GIT1: variants seen among roughly 807,000 people sequenced by gnomAD.
The protein encoded by GIT1 is ARF GTPase-activating protein GIT1.
Under a neutral mutation model 91.7 loss-of-function variants are expected in GIT1, and 14 were observed. The observed-to-expected ratio is 0.15, with a 90% confidence interval of 0.10 to 0.24. The LOEUF (loss-of-function observed/expected upper bound fraction) is 0.24. GIT1 is among the 10% of genes least tolerant of loss of function. The pLI is 1.00. For missense variants in GIT1, 717 were observed against 1,024.9 expected (o/e 0.70, Z 4.10); for synonymous variants, 414 against 418.2 (o/e 0.99, Z 0.12).
chr17:29,579,714 C>A (rs1382501702), intron 7 of GIT1, among the ~76,000 whole-genome samples: 1 of 151,710 alleles, frequency 6.6e-6, no homozygotes, highest in Non-Finnish European at 1.5e-5. Context: ...CAGAGCGAGA[C>A]CCCAACTCTT....
In GIT1 at chr17:29,579,811, A is replaced by T. The variant is rs78266089; in HGVS notation, c.762-1032T>A. On this transcript the variant is annotated intron_variant, in intron 7 of 19. Coordinates refer to ENST00000225394, the MANE Select transcript of GIT1 (RefSeq NM_014030.4). ...AATAGATGCTGTCATCTCCATTTCC[A>T]GGAGAGATAACCAAGGCTCAGAGAG... 9.5e-4 allele frequency among the ~76,000 whole-genome samples: 145 copies of T among 152,200 alleles called. 1 individual carries two copies. The highest frequency in any genetic ancestry group is 3.3e-3 in the African/African-American group (137 of 41,520).
chr17:29,574,121 GAAGA>G lies in GIT1; in HGVS notation c.*577_*580del, dbSNP rs918019437. 32 of 151,270 alleles carry G rather than the reference GAAGA, an allele frequency of 2.1e-4. No individual in the cohort carries two copies. The highest frequency in any genetic ancestry group is 6.8e-4 in the African/African-American group (28 of 41,128). 9.4% of individuals were successfully genotyped at this position (151,270 alleles called of 1,614,324 possible). On this transcript the variant is annotated 3_prime_UTR_variant, in exon 20 of 20. Coordinates refer to ENST00000225394, the MANE Select transcript of GIT1 (RefSeq NM_014030.4). ...AAAGTTAAAATTAAGGGGTGGGGAA[GAAGA>G]AAGAAAAAAAAAAAACAGACTTTCC...
At chr17:29,577,798 G>A (rs2033266233) in intron 9 of GIT1, 56 bp from the exon 10 acceptor site, 1 of 1,083,386 alleles carries the variant, frequency 9.2e-7, no homozygotes, top group Non-Finnish European at 1.4e-6. Flanking sequence ...CCAAGGTGGG[G>A]GTGGGGAAGC....
chr17:29,575,381 A>G lies in GIT1; in HGVS notation c.1916T>C (p.Leu639Pro). 1.2e-6 allele frequency: 2 copies of G among 1,613,686 alleles called. No homozygotes were observed. The highest frequency in any genetic ancestry group is 1.7e-6 in the Non-Finnish European group (2 of 1,179,816). ...ESLDGDLDPG[L>P]PSTEDVILKT... The stretch of plus-strand genomic sequence containing the variant: ...CAAGATGACATCCTCTGTGCTGGGA[A>G]GCCCAGGATCTAGGTCTCCATCCAG... Residue 639 changes from leucine to proline, a missense_variant, in exon 18 of 20, where the codon CTT becomes CCT. Physicochemically the swap from Leu to Pro is moderately conservative, Grantham distance 98. This residue lies in a region of GIT1 where 134 missense variants were observed against 223.8 expected (regional missense o/e 0.60). Transcript: ENST00000225394. The surrounding 1 kb of genome is among the most constrained non-coding windows in gnomAD (Gnocchi z 5.5).
Position 29,574,652 on chromosome 17 carries a change from C to T in GIT1, c.*50G>A, listed in dbSNP as rs908517651. On this transcript the variant is annotated 3_prime_UTR_variant, in exon 20 of 20. Transcript: ENST00000225394. ...GATTAATGTCTGGAGTGGCCCAGCT[C>T]CTATGGCCAGTGAGGTCCTAGGGTG... is the stretch of plus-strand genomic sequence containing the variant. 36 of 1,427,458 alleles carry T rather than the reference C, an allele frequency of 2.5e-5. No individual in the cohort carries two copies. Among genetic ancestry groups the T allele is most frequent in the Non-Finnish European group, 3.1e-5 (31 of 1,013,706 alleles). 88.4% of individuals were successfully genotyped at this position (1,427,458 alleles called of 1,614,324 possible).
rs767595208 is a variant in GIT1 at position 29,581,385 on chromosome 17, AC to A, written c.719-6del. The A allele has an allele frequency of 6.2e-7, 1 of 1,611,690 alleles. No homozygotes were observed. The highest frequency in any genetic ancestry group is 8.5e-7 in the Non-Finnish European group (1 of 1,178,170). On this transcript the variant is annotated splice_polypyrimidine_tract_variant and splice_region_variant and intron_variant, in intron 6 of 19. Transcript: ENST00000225394. The surrounding 1 kb of genome is among the most constrained non-coding windows in gnomAD (Gnocchi z 4.8). ...TGTAATGCCCATTCTTGTGATCTGA[AC>A]AAAAATAAAAATGCCAAGTCACTCA...
chr17:29,577,991 G>A (rs1279581792), intron 9 of GIT1, among the ~76,000 whole-genome samples: 2 of 152,260 alleles, frequency 1.3e-5, no homozygotes, highest in Admixed American at 6.5e-5. Context: ...GCTGGAATCC[G>A]GCTGTGGCCA....
At chr17:29,580,785 T>C (rs566022652) in intron 7 of GIT1, among the ~76,000 whole-genome samples, 15 of 151,874 alleles carry the variant, frequency 9.9e-5, no homozygotes, top group African/African-American at 2.7e-4. Flanking sequence ...TCTTTTTTTT[T>C]TTTTTGAGAC....
chr17:29,583,351 G>A, intron 2 of GIT1, 132 bp downstream of exon 2: 1 of 893,924 alleles, frequency 1.1e-6, no homozygotes, highest in Non-Finnish European at 1.7e-6. Context: ...ATTAGCCTCT[G>A]CCCTAGGGGG....
rs777128960 is a variant in GIT1 at position 29,575,611 on chromosome 17, G to A, written c.1826+19C>T. On this transcript the variant is annotated intron_variant, in intron 17 of 19. Coordinates refer to ENST00000225394, the MANE Select transcript of GIT1 (RefSeq NM_014030.4). The surrounding 1 kb of genome is among the most constrained non-coding windows in gnomAD (Gnocchi z 5.5). ...CTCGGCATGTGAGCAGGCTGGACTGGAGACCCAGGGAGCCTCACCCCAGCA... is the reference window on the plus strand; with the variant it reads ...CTCGGCATGTGAGCAGGCTGGACTGAAGACCCAGGGAGCCTCACCCCAGCA... 4 of 1,608,382 alleles carry A rather than the reference G, an allele frequency of 2.5e-6. No individual in the cohort carries two copies. In the African/African-American group the frequency reaches 5.3e-5, roughly 21 times the overall value.
chr17:29,589,343 CG>C lies in GIT1; in HGVS notation c.35del (p.Ala12GlyfsTer176). 9.2e-7 allele frequency: 1 copy of C among 1,086,304 alleles called. No homozygotes were observed. Among genetic ancestry groups the C allele is most frequent in the Non-Finnish European group, 1.1e-6 (1 of 884,686 alleles). The allele number at this position is 1,086,304 out of a possible 1,614,324, so 67.3% of individuals were successfully genotyped here. ...CGCGCTTACCCGGGGCGCTGCAGTC[CG>C]CACACACCTCCGCTCGCGGCCCCTT... The part of the protein sequence containing the change: ...SRKGPRAEVC[A>X]DCSAPDPGWA... On this transcript the variant is annotated frameshift_variant, in exon 1 of 20. Transcript: ENST00000225394. LOFTEE classifies it high-confidence loss of function. The surrounding 1 kb of genome is among the most constrained non-coding windows in gnomAD (Gnocchi z 5.2).
At chr17:29,574,978 G>C in intron 19 of GIT1, 64 bp from the exon 20 acceptor site, 1 of 1,486,658 alleles carries the variant, frequency 6.7e-7, no homozygotes, top group Admixed American at 1.9e-5. Context: ...TCAGGGCCCA[G>C]TTTGTCTGTG....
intron 1 of GIT1, among the ~76,000 whole-genome samples, chr17:29,585,694 C>T (rs1296303819): frequency 6.6e-6 from 1 of 152,212 alleles, no homozygotes; most frequent in Non-Finnish European, 1.5e-5. Flanking sequence ...CCACCCTAAC[C>T]ATTCTGTCTC....
chr17:29,576,167 C>A, intron 14 of GIT1, 36 bp from the exon 15 acceptor site: 1 of 1,611,850 alleles, frequency 6.2e-7, no homozygotes, highest in Middle Eastern at 1.7e-4. Flanking sequence ...CATGGTGGAC[C>A]CTGCGGCAGC....
intron 1 of GIT1, among the ~76,000 whole-genome samples, chr17:29,585,397 C>A (rs1017529): frequency 0.11 from 17,223 of 152,208 alleles, 1,269 homozygotes; most frequent in Non-Finnish European, 0.16. Context: ...GTGGTCCTAC[C>A]GGAGAAGCCA....
At position 29,576,629 on chromosome 17, in the gene GIT1, C is replaced by G. The variant is rs1396458647; in HGVS notation, c.1273G>C (p.Glu425Gln). Residue 425 changes from glutamate to glutamine, a missense_variant, in exon 13 of 20, where the codon GAG (glutamate) becomes CAG (glutamine). Glu to Gln is a conservative substitution (Grantham distance 29). This residue lies in a region of GIT1 where 312 missense variants were observed against 349.5 expected (regional missense o/e 0.89). Transcript: ENST00000225394. ...DLSDGAVTLQ[E>Q]YLELKKALAT... ...AGGGCCTTCTTCAGCTCCAGGTACT[C>G]CTGCAGCGTCACAGCCCCGTCAGAC... 1.2e-6 allele frequency: 2 copies of G among 1,614,046 alleles called. No individual in the cohort carries two copies. The highest frequency in any genetic ancestry group is 2.2e-5 in the South Asian group (2 of 91,092).
chr17:29,582,492 A>G (rs1260813622), intron 4 of GIT1, among the ~76,000 whole-genome samples: 1 of 152,182 alleles, frequency 6.6e-6, no homozygotes, highest in Non-Finnish European at 1.5e-5. Context: ...GTGGGCTTCT[A>G]GCCTTGTGTG....
intron 9 of GIT1, 59 bp from the exon 10 acceptor site, chr17:29,577,801 G>T: frequency 9.7e-7 from 1 of 1,031,256 alleles, no homozygotes; most frequent in Non-Finnish European, 1.5e-6. Flanking sequence ...AGGTGGGGGT[G>T]GGGAAGCACT....
intron 7 of GIT1, among the ~76,000 whole-genome samples, chr17:29,580,025 G>A (rs980765769): frequency 1.3e-5 from 2 of 152,164 alleles, no homozygotes; most frequent in Non-Finnish European, 2.9e-5. Context: ...GCTCCAGCCC[G>A]GGGGCTGCCT....
Sources: gnomAD v4.1 joint callset for allele counts (sites outside exome capture counted in the v4.1 genomes callset) on GRCh38, gnomAD v4.1.1 for gene constraint, gnomAD v4.1.1 regional missense constraint, Gnocchi (gnomAD v3.1) non-coding constraint, MANE v1.5 for transcripts, NCBI Gene and HGNC (gene_info 2026-07-23, HGNC 2026-07-21) for gene names.